The following PRKACB variants were observed in gnomAD, a reference collection of about 807,000 sequenced individuals.
The protein encoded by PRKACB is cAMP-dependent protein kinase catalytic subunit beta.
In PRKACB, 16 loss-of-function variants were observed where a neutral mutation model predicts 51.4. The observed-to-expected ratio is 0.31, with a 90% CI of 0.21 to 0.47. The LOEUF (loss-of-function observed/expected upper bound fraction) is 0.47. Ranked by LOEUF, PRKACB falls within the 20% of genes least tolerant of loss-of-function variation. PRKACB has a pLI of 1.00. For synonymous variants in PRKACB, 147 were observed against 154.4 expected (o/e 0.95, Z 0.35); for missense variants, 309 against 464.5 (o/e 0.67, Z 3.08).
intron 1 of PRKACB, among the ~76,000 whole-genome samples, chr1:84,123,727 G>T (rs1028014024): frequency 1.3e-5 from 2 of 152,066 alleles, no homozygotes; most frequent in Non-Finnish European, 2.9e-5. Flanking sequence ...CCAATATAAA[G>T]GTAGATTGTT....
chr1:84,130,849 AC>A (rs1375054179), intron 1 of PRKACB, among the ~76,000 whole-genome samples: 3 of 152,220 alleles, frequency 2.0e-5, no homozygotes, highest in Non-Finnish European at 4.4e-5. Context: ...AAGGAAAGCA[AC>A]AAAAATAATA....
chr1:84,111,985 C>T (rs140242737), intron 1 of PRKACB, among the ~76,000 whole-genome samples: 355 of 152,022 alleles, frequency 2.3e-3, no homozygotes, highest in African/African-American at 8.1e-3. Flanking sequence ...TAATTATGTC[C>T]CTGGAAATAA....
chr1:84,168,022 A>G (rs1308498750), intron 1 of PRKACB, among the ~76,000 whole-genome samples: 3 of 151,618 alleles, frequency 2.0e-5, no homozygotes, highest in Non-Finnish European at 3.0e-5. Context: ...CTATAAAGAA[A>G]TACTAAAGGA....
At chr1:84,150,608 T>TA (rs1040569159) in intron 1 of PRKACB, among the ~76,000 whole-genome samples, 1 of 152,122 alleles carries the variant, frequency 6.6e-6, no homozygotes, top group African/African-American at 2.4e-5. Context: ...GTTGTTTTTT[T>TA]AAAACAAACA....
intron 1 of PRKACB, among the ~76,000 whole-genome samples, chr1:84,124,497 C>T (rs1023942945): frequency 3.3e-5 from 5 of 152,100 alleles, no homozygotes; most frequent in African/African-American, 4.8e-5. Flanking sequence ...GGGTTTCTAT[C>T]GTAGTAATTA....
chr1:84,180,183 G>GATATATATAT (rs3051182), intron 2 of PRKACB, among the ~76,000 whole-genome samples: 1,175 of 32,006 alleles, frequency 0.037, 193 homozygotes, highest in Middle Eastern at 0.062. Context: ...AAGAAACTGT[G>GATATATATAT]ATATATATAT....
chr1:84,229,211 T>C (rs1219816574), intron 9 of PRKACB, among the ~76,000 whole-genome samples: 11 of 144,542 alleles, frequency 7.6e-5, no homozygotes, highest in Non-Finnish European at 1.6e-4. Context: ...GATAGTTTAC[T>C]GAGAATGATG....
intron 9 of PRKACB, among the ~76,000 whole-genome samples, chr1:84,228,649 G>T (rs1675050889): frequency 6.6e-6 from 1 of 151,902 alleles, no homozygotes; most frequent in Non-Finnish European, 1.5e-5. Flanking sequence ...AATGTTTAAG[G>T]TTTAACAATT....
At position 84,088,563 on chromosome 1, in the gene PRKACB, A is replaced by G. The variant is rs180961592; in HGVS notation, c.46+10192A>G. Among the ~76,000 whole-genome samples the G allele has an allele frequency of 9.7e-4, 147 of 152,290 alleles. 3 individuals are homozygous for G. Among genetic ancestry groups the G allele is most frequent in the Admixed American group, 8.7e-3 (133 of 15,302 alleles). On this transcript the variant is annotated intron_variant, in intron 1 of 8. Transcript: ENST00000370688. ...TACTTCTTTTACAGGGGCTAGCTCTACTGGTAACTTAGCTCTTTCAATCTT... is the reference window on the plus strand; with the variant it reads ...TACTTCTTTTACAGGGGCTAGCTCTGCTGGTAACTTAGCTCTTTCAATCTT...
intron 1 of PRKACB, among the ~76,000 whole-genome samples, chr1:84,108,746 G>A (rs1260826892): frequency 1.3e-5 from 2 of 151,936 alleles, no homozygotes; most frequent in Non-Finnish European, 2.9e-5. Context: ...ACCTGCCCTA[G>A]TAACCATTAT....
chr1:84,097,529 T>C (rs555804349), intron 1 of PRKACB, among the ~76,000 whole-genome samples: 70 of 152,116 alleles, frequency 4.6e-4, no homozygotes, highest in African/African-American at 1.6e-3. Context: ...GGGAGAAAGA[T>C]TATTTCTATA....
chr1:84,079,492 C>A (rs1043832782), intron 1 of PRKACB, among the ~76,000 whole-genome samples: 3 of 152,058 alleles, frequency 2.0e-5, no homozygotes, highest in African/African-American at 7.2e-5. Flanking sequence ...TTTAGTCATT[C>A]ATTTTGTTTA....
intron 1 of PRKACB, among the ~76,000 whole-genome samples, chr1:84,116,479 A>C (rs568606196): frequency 3.9e-5 from 6 of 152,010 alleles, no homozygotes; most frequent in African/African-American, 1.2e-4. Context: ...ATGAGCATGG[A>C]CTTTTTTCAT....
At chr1:84,132,102 T>C (rs901897097) in intron 1 of PRKACB, among the ~76,000 whole-genome samples, 1 of 152,100 alleles carries the variant, frequency 6.6e-6, no homozygotes, top group Non-Finnish European at 1.5e-5. Flanking sequence ...TGGGGGAAAA[T>C]GTATACCACT....
Position 84,237,198 on chromosome 1 carries a change from A to G in PRKACB, c.*1893A>G, listed in dbSNP as rs912465834. On this transcript the variant is annotated 3_prime_UTR_variant, in exon 10 of 10. Transcript: ENST00000370685. Reference sequence around the variant, plus strand: ...CTAGCAAGTTTTGTGTAACAAAGGCATATCGTCATGTTAATAAATTTAAAA... The same window carrying G: ...CTAGCAAGTTTTGTGTAACAAAGGCGTATCGTCATGTTAATAAATTTAAAA... The G allele has an allele frequency of 6.5e-6, 1 of 152,744 alleles. No homozygotes were observed. The highest frequency in any genetic ancestry group is 2.4e-5 in the African/African-American group (1 of 41,582). The allele number at this position is 152,744 out of a possible 1,614,324, so 9.5% of individuals were successfully genotyped here.
rs1664075725 is a variant in PRKACB, at chr1:84,183,196, T to C, written c.379-841T>C. ...AGAAAGAATGCCACCTTCTAATGATTTACACATATACAAGAAAATTATTTA... is the reference window on the plus strand; with the variant it reads ...AGAAAGAATGCCACCTTCTAATGATCTACACATATACAAGAAAATTATTTA... On this transcript the variant is annotated intron_variant, in intron 3 of 9. Coordinates refer to ENST00000370685, the MANE Select transcript of PRKACB (RefSeq NM_182948.4). 2.6e-5 allele frequency among the ~76,000 whole-genome samples: 4 copies of C among 151,978 alleles called. No homozygotes were observed. The South Asian group carries it at 8.3e-4, about 31-fold the overall frequency.
At position 84,144,427 on chromosome 1, in the gene PRKACB, G is replaced by A; in HGVS notation, c.66G>A (p.Leu22=). 6.2e-7 allele frequency: 1 copy of A among 1,613,132 alleles called. No homozygotes were observed. The highest frequency in any genetic ancestry group is 8.5e-7 in the Non-Finnish European group (1 of 1,179,588). The change falls in exon 1 of 10, where the codon TTG becomes TTA. Residue 22 remains leucine (L), a synonymous_variant. Transcript: ENST00000370685. ...YTGTTTALQK[L]EGFASRLFHR... is the part of the protein sequence containing the mutation. The stretch of plus-strand genomic sequence containing the variant: ...GTACAACTACAGCTCTTCAGAAATT[G>A]GAAGGTTTTGCTAGCCGGTTATTTC...
intron 7 of PRKACB, among the ~76,000 whole-genome samples, 171 bp downstream of exon 7, chr1:84,197,995 C>T (rs142537664): frequency 4.8e-4 from 73 of 152,152 alleles, no homozygotes; most frequent in Middle Eastern, 3.4e-3. Context: ...GCATCTACCA[C>T]TAATCCTGTA....
At chr1:84,165,977 T>C (rs890396258) in intron 1 of PRKACB, among the ~76,000 whole-genome samples, 2 of 151,798 alleles carry the variant, frequency 1.3e-5, no homozygotes, top group South Asian at 4.1e-4. Flanking sequence ...TTTTGCTGTA[T>C]AATGATAGAA....
Sources: allele counts gnomAD v4.1 joint callset (sites outside exome capture counted in the v4.1 genomes callset), GRCh38; gene constraint gnomAD v4.1.1; transcripts MANE v1.5; gene names NCBI Gene and HGNC (gene_info 2026-07-23, HGNC 2026-07-21).